LAMA4: variants seen among roughly 807,000 people sequenced by gnomAD.
LAMA4 encodes laminin subunit alpha-4.
LAMA4 carries 127 observed loss-of-function variants against 207.1 expected under a neutral mutation model. The observed-to-expected ratio is 0.61, with a 90% CI of 0.53 to 0.71. The LOEUF (loss-of-function observed/expected upper bound fraction) is 0.71. Ranked by LOEUF, LAMA4 falls within the 30% of genes least tolerant of loss-of-function variation. LAMA4 has a pLI of 0.00. For missense variants in LAMA4, 2,093 were observed against 2,246.5 expected (o/e 0.93, Z 1.38); for synonymous variants, 761 against 816.0 (o/e 0.93, Z 1.15).
At chr6:112,248,498 C>CA (rs550634848) in intron 2 of LAMA4, among the ~76,000 whole-genome samples, 44,423 of 102,946 alleles carry the variant, frequency 0.43, 8,487 homozygotes, top group African/African-American at 0.5. Flanking sequence ...GACTCTGTCT[C>CA]AAAAAAAAAA....
intron 12 of LAMA4, among the ~76,000 whole-genome samples, chr6:112,167,403 A>G (rs542786552): frequency 6.6e-6 from 1 of 152,290 alleles, no homozygotes; most frequent in Middle Eastern, 3.4e-3. Context: ...CTGTGTCTCA[A>G]AACAACAACA....
chr6:112,143,128 A>C (rs993064294), intron 19 of LAMA4, among the ~76,000 whole-genome samples: 1 of 152,124 alleles, frequency 6.6e-6, no homozygotes, highest in Admixed American at 6.5e-5. Flanking sequence ...GTGTATACTT[A>C]TGTCATTTAT....
intron 2 of LAMA4, among the ~76,000 whole-genome samples, chr6:112,227,100 C>T (rs1554362798): frequency 6.7e-6 from 1 of 148,680 alleles, no homozygotes; most frequent in African/African-American, 2.5e-5. Context: ...GAGACGGAGT[C>T]TCGCTCTGTT....
At chr6:112,206,496 T>C (rs1287257149) in intron 4 of LAMA4, among the ~76,000 whole-genome samples, 2 of 152,234 alleles carry the variant, frequency 1.3e-5, no homozygotes, top group African/African-American at 2.4e-5. Flanking sequence ...CTCTTTCCTT[T>C]AACTACTCAT....
intron 31 of LAMA4, among the ~76,000 whole-genome samples, chr6:112,125,112 A>T (rs945268430): frequency 6.6e-6 from 1 of 152,224 alleles, no homozygotes; most frequent in Non-Finnish European, 1.5e-5. Flanking sequence ...GCTAGAATCA[A>T]TTGGAAAGCT....
chr6:112,160,019 G>C (rs782429526), intron 13 of LAMA4, among the ~76,000 whole-genome samples: 2 of 152,152 alleles, frequency 1.3e-5, no homozygotes, highest in Non-Finnish European at 2.9e-5. Flanking sequence ...TACTGGGACT[G>C]AATGTCAGCT....
At chr6:112,165,055 T>C (rs782435786) in intron 13 of LAMA4, 105 bp downstream of exon 13, 2 of 782,770 alleles carry the variant, frequency 2.6e-6, no homozygotes, top group Non-Finnish European at 2.3e-6. Flanking sequence ...ATCTTTATAA[T>C]GCCTGCTCAC....
intron 8 of LAMA4, 55 bp from the exon 9 acceptor site, chr6:112,185,402 T>G (rs70940812): frequency 2.9e-6 from 3 of 1,028,554 alleles, no homozygotes; most frequent in East Asian, 2.4e-5. Context: ...TTTTAAAAAA[T>G]GTACATAAAA....
intron 12 of LAMA4, among the ~76,000 whole-genome samples, chr6:112,169,564 C>T (rs1475705732): frequency 6.6e-6 from 1 of 152,108 alleles, no homozygotes; most frequent in African/African-American, 2.4e-5. Flanking sequence ...AAAAGGGGTG[C>T]AACTGTGGCT....
intron 2 of LAMA4, among the ~76,000 whole-genome samples, chr6:112,249,956 T>C (rs1037234170): frequency 3.9e-5 from 6 of 152,226 alleles, no homozygotes; most frequent in Admixed American, 1.3e-4. Context: ...CATTGTTCTG[T>C]ATATAATGGC....
At chr6:112,235,919 A>G (rs576541306) in intron 2 of LAMA4, among the ~76,000 whole-genome samples, 2 of 152,374 alleles carry the variant, frequency 1.3e-5, no homozygotes, top group South Asian at 2.1e-4. Flanking sequence ...TGAGATAAAT[A>G]TAATGACCAA....
At chr6:112,119,334 G>T in intron 33 of LAMA4, 23 bp from the exon 34 acceptor site, 1 of 1,611,698 alleles carries the variant, frequency 6.2e-7, no homozygotes, top group South Asian at 1.1e-5. Context: ...AAGGACAATA[G>T]CACATCTCAG....
Position 112,148,247 on chromosome 6 carries a change from T to C in LAMA4, c.2263A>G (p.Met755Val). The change falls in exon 18 of 39, where the codon ATG becomes GTG. Residue 755 changes from methionine (M) to valine (V), a missense_variant. Physicochemically the swap from Met to Val is conservative, Grantham distance 21 (BLOSUM62 1). Coordinates refer to ENST00000230538, the MANE Select transcript of LAMA4 (RefSeq NM_001105206.3). The stretch of plus-strand genomic sequence containing the variant: ...GACCAGTTGGTTAGATTGTTGGCCA[T>C]GGGGGCAGTGGCCTGCTGCACCTCC... The part of the protein sequence containing the change: ...TMEVQQATAP[M>V]ANNLTNWSQN... 2 of 1,614,166 alleles carry C rather than the reference T, an allele frequency of 1.2e-6. No homozygotes were observed. Among genetic ancestry groups the C allele is most frequent in the African/African-American group, 1.3e-5 (1 of 75,070 alleles).
intron 3 of LAMA4, among the ~76,000 whole-genome samples, chr6:112,208,669 G>C (rs1041965978): frequency 6.6e-6 from 1 of 152,110 alleles, no homozygotes; most frequent in African/African-American, 2.4e-5. Context: ...GCATTAGAAG[G>C]CATCAGTGTT....
chr6:112,184,464 T>C (rs79478176), intron 9 of LAMA4, among the ~76,000 whole-genome samples: 2,520 of 152,330 alleles, frequency 0.017, 68 homozygotes, highest in African/African-American at 0.057. Context: ...GCCTTTCACA[T>C]TGACTCTGCT....
intron 7 of LAMA4, among the ~76,000 whole-genome samples, chr6:112,188,529 G>A (rs114753589): frequency 0.026 from 4,034 of 152,258 alleles, 164 homozygotes; most frequent in African/African-American, 0.092. Context: ...GTTTGGGGGA[G>A]GGGATGCCTA....
chr6:112,199,414 T>C (rs1255610515), intron 5 of LAMA4, among the ~76,000 whole-genome samples: 1 of 150,476 alleles, frequency 6.6e-6, no homozygotes, highest in Non-Finnish European at 1.5e-5. Flanking sequence ...CCTCAGACAC[T>C]GAGGAGAAAA....
intron 2 of LAMA4, among the ~76,000 whole-genome samples, chr6:112,252,296 A>G (rs1301259051): frequency 6.6e-6 from 1 of 152,234 alleles, no homozygotes; most frequent in Non-Finnish European, 1.5e-5. Context: ...AAAACCTGCA[A>G]TCTGAAACAC....
intron 31 of LAMA4, among the ~76,000 whole-genome samples, chr6:112,123,052 G>T (rs1778454244): frequency 6.6e-6 from 1 of 152,174 alleles, no homozygotes; most frequent in African/African-American, 2.4e-5. Flanking sequence ...TAGCAAATTG[G>T]AAAACAGGTT....
Sources: allele counts gnomAD v4.1 joint callset (sites outside exome capture counted in the v4.1 genomes callset), GRCh38; gene constraint gnomAD v4.1.1; transcripts MANE v1.5; gene names NCBI Gene and HGNC (gene_info 2026-07-23, HGNC 2026-07-21).